DOK6: variants seen among roughly 807,000 people sequenced by gnomAD.
DOK6 encodes the protein docking protein 6.
A neutral mutation model predicts 44.0 loss-of-function variants in DOK6; 22 were observed. That is an observed-to-expected ratio of 0.50 (90% CI 0.36 to 0.71). DOK6 has a LOEUF of 0.71. Ranked by LOEUF, DOK6 falls within the 30% of genes least tolerant of loss-of-function variation. The probability of loss-of-function intolerance (pLI) is 0.00; values close to 1 mark genes in which losing one functional copy is unlikely to be tolerated. For missense variants in DOK6, 340 were observed against 416.4 expected, an observed-to-expected ratio of 0.82 and a Z score of 1.60; for synonymous variants, 166 against 145.5, an observed-to-expected ratio of 1.14 and a Z score of -1.01.
chr18:69,645,726 C>T (rs894958879), intron 3 of DOK6, among the ~76,000 whole-genome samples: 7 of 152,060 alleles, frequency 4.6e-5, no homozygotes, highest in African/African-American at 1.7e-4. Context: ...AAACCTTGTA[C>T]ATAATTATTC....
intron 1 of DOK6, among the ~76,000 whole-genome samples, chr18:69,449,940 T>C (rs1343893529): frequency 6.9e-6 from 1 of 145,116 alleles, no homozygotes; most frequent in Non-Finnish European, 1.5e-5. Context: ...CAAAAGTAGG[T>C]AAAACCACAA....
At chr18:69,741,605 C>T (rs1978800581) in intron 6 of DOK6, among the ~76,000 whole-genome samples, 2 of 152,140 alleles carry the variant, frequency 1.3e-5, no homozygotes, top group South Asian at 4.1e-4. Flanking sequence ...TCAAGCAGTC[C>T]TCCAGCCTCA....
At position 69,841,394 on chromosome 18, in the gene DOK6, G is replaced by A. The variant is rs1599355237; in HGVS notation, c.*11G>A. 3.1e-6 allele frequency: 5 copies of A among 1,614,136 alleles called. No homozygotes were observed. Among genetic ancestry groups the A allele is most frequent in the Non-Finnish European group, 4.2e-6 (5 of 1,180,014 alleles). Reference sequence around the variant, plus strand: ...AGCCTCATCCAATGACACACAGAGAGCCGCTGTTGACTAGAGAGACAGTCT... The same window carrying A: ...AGCCTCATCCAATGACACACAGAGAACCGCTGTTGACTAGAGAGACAGTCT... On this transcript the variant is annotated 3_prime_UTR_variant, in exon 8 of 8. Coordinates refer to ENST00000382713, the MANE Select transcript of DOK6 (RefSeq NM_152721.6).
intron 7 of DOK6, among the ~76,000 whole-genome samples, chr18:69,789,158 A>G (rs561798853): frequency 3.9e-5 from 6 of 152,338 alleles, no homozygotes; most frequent in African/African-American, 1.4e-4. Flanking sequence ...TGATGCTAGT[A>G]CAATTTTGTC....
intron 7 of DOK6, among the ~76,000 whole-genome samples, chr18:69,817,269 T>G (rs1981428286): frequency 6.6e-6 from 1 of 152,188 alleles, no homozygotes; most frequent in African/African-American, 2.4e-5. Context: ...TGTTTCAACT[T>G]TATTTAGTGA....
In DOK6 at chr18:69,757,808, C is replaced by T; in HGVS notation, c.791C>T (p.Pro264Leu). ...ACATTATCCAAATCAATATCTCTTC[C>T]TCGCAGCGCGTACTGGCATCACATC... is the stretch of plus-strand genomic sequence containing the variant. ...PMTLSKSISL[P>L]RSAYWHHITR... Residue 264 changes from proline (P) to leucine (L), a missense_variant, in exon 7 of 8, where the codon CCT (proline) becomes CTT (leucine). Transcript: ENST00000382713. 1 of 1,614,146 alleles carries T rather than the reference C, an allele frequency of 6.2e-7. No individual in the cohort carries two copies.
chr18:69,476,501 TGGCA>T (rs1284324404), intron 1 of DOK6, among the ~76,000 whole-genome samples: 245 of 152,254 alleles, frequency 1.6e-3, no homozygotes, highest in East Asian at 0.011. Flanking sequence ...AGGAAATCGA[TGGCA>T]TTCTCAGAAG....
chr18:69,713,821 A>C (rs931520146), intron 5 of DOK6, among the ~76,000 whole-genome samples: 3 of 152,170 alleles, frequency 2.0e-5, no homozygotes, highest in Non-Finnish European at 4.4e-5. Context: ...AGGATGGTAG[A>C]TCTGCATTGG....
intron 4 of DOK6, among the ~76,000 whole-genome samples, chr18:69,696,270 G>A (rs1351379718): frequency 6.6e-6 from 1 of 152,182 alleles, no homozygotes; most frequent in African/African-American, 2.4e-5. Context: ...TGGTCCTTCT[G>A]GGTCCACTGT....
intron 1 of DOK6, among the ~76,000 whole-genome samples, chr18:69,543,144 C>A (rs1982313430): frequency 1.3e-5 from 2 of 151,622 alleles, no homozygotes; most frequent in South Asian, 4.2e-4. Context: ...AAGTTGTAAA[C>A]CCTTTTTCTT....
intron 1 of DOK6, among the ~76,000 whole-genome samples, chr18:69,559,077 T>C (rs1982762805): frequency 6.6e-6 from 1 of 152,152 alleles, no homozygotes; most frequent in South Asian, 2.1e-4. Context: ...TGATTGCCTT[T>C]CTTAATGTAA....
chr18:69,564,558 A>G lies in DOK6; in HGVS notation c.138A>G (p.Pro46=), dbSNP rs1374412944. The G allele has an allele frequency of 3.7e-6, 6 of 1,613,878 alleles. No homozygotes were observed. The East Asian group carries it at 1.3e-4, about 36-fold the overall frequency. The change falls in exon 2 of 8, where the codon CCA becomes CCG. Residue 46 remains proline, a synonymous_variant. Coordinates refer to ENST00000382713, the MANE Select transcript of DOK6 (RefSeq NM_152721.6). ...SKGPRRLEKF[P]DEKAAYFRNF... is the part of the protein sequence containing the mutation. ...GACCCAGAAGGTTAGAAAAATTTCC[A>G]GATGAAAAGGCAGCTTATTTCAGAA...
At chr18:69,550,109 AT>A (rs1982522446) in intron 1 of DOK6, among the ~76,000 whole-genome samples, 1 of 151,476 alleles carries the variant, frequency 6.6e-6, no homozygotes. Flanking sequence ...TTGACAAAAA[AT>A]AATCATGGAT....
At chr18:69,619,271 T>C (rs1984385014) in intron 3 of DOK6, among the ~76,000 whole-genome samples, 3 of 152,152 alleles carry the variant, frequency 2.0e-5, no homozygotes, top group Admixed American at 2.0e-4. Context: ...GACACAGAAC[T>C]GAAAGCTTTC....
intron 2 of DOK6, among the ~76,000 whole-genome samples, chr18:69,594,971 T>C (rs1188780376): frequency 6.6e-6 from 1 of 152,038 alleles, no homozygotes; most frequent in African/African-American, 2.4e-5. Context: ...AATAATGAAC[T>C]AGTTAAAAAA....
intron 1 of DOK6, among the ~76,000 whole-genome samples, chr18:69,431,225 T>C (rs1012706391): frequency 2.0e-5 from 3 of 152,176 alleles, no homozygotes; most frequent in African/African-American, 7.2e-5. Context: ...CAGGACTATT[T>C]AAAGGGATTA....
chr18:69,562,260 C>T (rs183310452), intron 1 of DOK6, among the ~76,000 whole-genome samples: 128 of 151,910 alleles, frequency 8.4e-4, no homozygotes, highest in Middle Eastern at 3.4e-3. Flanking sequence ...TGGTTTGTGT[C>T]AGTGTAATTA....
intron 7 of DOK6, among the ~76,000 whole-genome samples, chr18:69,789,170 C>T (rs1980520033): frequency 2.0e-5 from 3 of 152,164 alleles, no homozygotes; most frequent in Non-Finnish European, 1.5e-5. Flanking sequence ...AATTTTGTCT[C>T]CCTAATTCCG....
intron 1 of DOK6, among the ~76,000 whole-genome samples, chr18:69,505,252 G>A (rs1267927250): frequency 1.3e-5 from 2 of 152,160 alleles, no homozygotes; most frequent in Non-Finnish European, 2.9e-5. Context: ...TGAAGGGACT[G>A]TGGTTAAGCA....
Sources: allele counts gnomAD v4.1 joint callset (sites outside exome capture counted in the v4.1 genomes callset), GRCh38; gene constraint gnomAD v4.1.1; transcripts MANE v1.5; gene names NCBI Gene and HGNC (gene_info 2026-07-23, HGNC 2026-07-21).